PRR16: variants seen among roughly 807,000 people sequenced by gnomAD.
The protein encoded by PRR16 is proline rich 16.
A neutral mutation model predicts 18.2 loss-of-function variants in PRR16; 6 were observed. That is an observed-to-expected ratio of 0.33 (90% CI 0.18 to 0.65). The LOEUF (loss-of-function observed/expected upper bound fraction) is 0.65, where lower values mean the gene tolerates loss of function less well. PRR16 is among the 30% of genes least tolerant of loss of function. The pLI is 0.74. For missense variants in PRR16, 412 were observed against 376.6 expected, an observed-to-expected ratio of 1.09 and a Z score of -0.78; for synonymous variants, 151 against 147.8, an observed-to-expected ratio of 1.02 and a Z score of -0.16.
At chr5:120,557,571 C>T (rs1752454777) in intron 1 of PRR16, among the ~76,000 whole-genome samples, 1 of 151,864 alleles carries the variant, frequency 6.6e-6, no homozygotes, top group Non-Finnish European at 1.5e-5. Flanking sequence ...AAATAATTCA[C>T]CCTGTCATTA....
the PRR16 span, among the ~76,000 whole-genome samples, chr5:120,785,141 TATC>T: frequency 5.1e-4 from 77 of 152,334 alleles, 1 homozygote; most frequent in East Asian, 0.014. Context: ...ATAATACAAA[TATC>T]ATAAACAAAG....
intron 1 of PRR16, among the ~76,000 whole-genome samples, chr5:120,492,192 C>T (rs1750077534): frequency 1.3e-5 from 2 of 149,900 alleles, no homozygotes; most frequent in South Asian, 4.2e-4. Flanking sequence ...TCAAGTGATC[C>T]ACCAACCTCA....
chr5:120,598,073 A>G (rs952559450), intron 1 of PRR16, among the ~76,000 whole-genome samples: 1 of 151,882 alleles, frequency 6.6e-6, no homozygotes, highest in Admixed American at 6.6e-5. Flanking sequence ...GTCCATGAAG[A>G]TCTACCTCAT....
chr5:120,623,236 A>G (rs1439110588), intron 1 of PRR16, among the ~76,000 whole-genome samples: 2 of 152,176 alleles, frequency 1.3e-5, no homozygotes, highest in Non-Finnish European at 2.9e-5. Context: ...TAATGGCAAC[A>G]GTATCAAGAG....
At chr5:120,761,324 A>G in the PRR16 span, among the ~76,000 whole-genome samples, 6 of 152,090 alleles carry the variant, frequency 3.9e-5, no homozygotes, top group Admixed American at 3.9e-4. Context: ...AGTTTATAAC[A>G]GGATCATTTT....
the PRR16 span, among the ~76,000 whole-genome samples, chr5:120,788,048 T>G: frequency 1.3e-5 from 2 of 151,924 alleles, no homozygotes; most frequent in Non-Finnish European, 2.9e-5. Context: ...CATTTTACTA[T>G]TTTTGAAAAT....
chr5:120,617,530 G>T (rs965200308), intron 1 of PRR16, among the ~76,000 whole-genome samples: 2 of 152,028 alleles, frequency 1.3e-5, no homozygotes, highest in Non-Finnish European at 2.9e-5. Flanking sequence ...TTTGTTGTTT[G>T]TTCAAAACCG....
rs944653017 is a variant in PRR16, at chr5:120,586,791, A to G, written c.160-99163A>G. Among the ~76,000 whole-genome samples the G allele has an allele frequency of 2.0e-5, 3 of 152,150 alleles. No homozygotes were observed. In the South Asian group the frequency reaches 6.2e-4, roughly 32 times the overall value. ...AATTTGACCAGTTAGTAACCCTGCA[A>G]TGACCTCTAAGCATTCAAGTGAAAG... On this transcript the variant is annotated intron_variant, in intron 1 of 1. Coordinates refer to ENST00000407149, the MANE Select transcript of PRR16 (RefSeq NM_001300783.2).
the PRR16 span, among the ~76,000 whole-genome samples, chr5:120,696,043 C>G: frequency 6.6e-6 from 1 of 151,996 alleles, no homozygotes; most frequent in Non-Finnish European, 1.5e-5. Context: ...GAGCTCGAGA[C>G]CAGCCTGACA....
chr5:120,758,439 G>A, the PRR16 span, among the ~76,000 whole-genome samples: 1 of 152,258 alleles, frequency 6.6e-6, no homozygotes, highest in Middle Eastern at 3.4e-3. Flanking sequence ...TGTAGAGCAT[G>A]AGAAAAATGA....
chr5:120,665,566 T>C (rs1282896068), intron 1 of PRR16, among the ~76,000 whole-genome samples: 1 of 152,218 alleles, frequency 6.6e-6, no homozygotes, highest in Non-Finnish European at 1.5e-5. Flanking sequence ...GCCTAGGTTT[T>C]CTTCTAGGGT....
the PRR16 span, among the ~76,000 whole-genome samples, chr5:120,752,783 C>T: frequency 3.3e-5 from 5 of 151,454 alleles, no homozygotes; most frequent in East Asian, 3.9e-4. Context: ...ATACTCATTA[C>T]GAGATAGTTA....
chr5:120,605,033 G>A (rs1754111502), intron 1 of PRR16, among the ~76,000 whole-genome samples: 3 of 152,126 alleles, frequency 2.0e-5, no homozygotes, highest in Admixed American at 6.5e-5. Flanking sequence ...TGGTTGTCTT[G>A]TGTAGTATCT....
At chr5:120,631,048 T>C (rs1483808261) in intron 1 of PRR16, among the ~76,000 whole-genome samples, 1 of 152,148 alleles carries the variant, frequency 6.6e-6, no homozygotes, top group Middle Eastern at 3.2e-3. Context: ...AATCAACTCA[T>C]CATAAAGAAG....
chr5:120,783,150 T>C, the PRR16 span, among the ~76,000 whole-genome samples: 1 of 152,302 alleles, frequency 6.6e-6, no homozygotes, highest in East Asian at 1.9e-4. Flanking sequence ...TAAGAAAGAA[T>C]TATTTGTGTT....
At chr5:120,652,538 C>T (rs764953728) in intron 1 of PRR16, among the ~76,000 whole-genome samples, 17 of 152,044 alleles carry the variant, frequency 1.1e-4, no homozygotes, top group South Asian at 2.1e-4. Flanking sequence ...TTAAGAATGG[C>T]GTTTTCCCTC....
chr5:120,702,251 G>A, the PRR16 span, among the ~76,000 whole-genome samples: 25 of 72,060 alleles, frequency 3.5e-4, no homozygotes, highest in Admixed American at 1.4e-3. Context: ...ATAAGGGGTC[G>A]GGGCACGGAA....
chr5:120,622,468 A>G (rs1302946056), intron 1 of PRR16, among the ~76,000 whole-genome samples: 1 of 151,212 alleles, frequency 6.6e-6, no homozygotes, highest in African/African-American at 2.4e-5. Flanking sequence ...TTATTTATTT[A>G]TTTATTTTAT....
the PRR16 span, among the ~76,000 whole-genome samples, chr5:120,751,939 T>C: frequency 6.6e-6 from 1 of 152,148 alleles, no homozygotes; most frequent in Non-Finnish European, 1.5e-5. Flanking sequence ...CAGTAACTTC[T>C]TTATTTAGAT....
Sources: gnomAD v4.1 joint callset for allele counts (sites outside exome capture counted in the v4.1 genomes callset) on GRCh38, gnomAD v4.1.1 for gene constraint, MANE v1.5 for transcripts, NCBI Gene and HGNC (gene_info 2026-07-23, HGNC 2026-07-21) for gene names.